Variants in ZMIZ2 observed in about 807,000 individuals in gnomAD.
ZMIZ2 encodes zinc finger MIZ domain-containing protein 2.
Under a neutral mutation model 93.9 loss-of-function variants are expected in ZMIZ2, and 26 were observed. That is an observed-to-expected ratio of 0.28 (90% CI 0.20 to 0.38). The LOEUF is 0.38. ZMIZ2 is among the 10% of genes least tolerant of loss of function. ZMIZ2 has a pLI of 1.00. For missense variants in ZMIZ2, 1,023 were observed against 1,235.0 expected, an observed-to-expected ratio of 0.83 and a Z score of 2.57; for synonymous variants, 485 against 516.4, an observed-to-expected ratio of 0.94 and a Z score of 0.82.
At chr7:44,750,152 AGGT>A (rs924001579) in intron 1 of ZMIZ2, among the ~76,000 whole-genome samples, 1 of 152,164 alleles carries the variant, frequency 6.6e-6, no homozygotes, top group Non-Finnish European at 1.5e-5. Flanking sequence ...GATGACATGA[AGGT>A]GGTCATGTGT....
Position 44,757,117 on chromosome 7 carries a change from G to A in ZMIZ2, c.336G>A (p.Gly112=), listed in dbSNP as rs1216645032. 1 of 1,598,532 alleles carries A rather than the reference G, an allele frequency of 6.3e-7. No homozygotes were observed. The highest frequency in any genetic ancestry group is 8.5e-7 in the Non-Finnish European group (1 of 1,176,560). ...GYVQQGVYSR[G]GYPGAPGFTT... is the part of the protein sequence containing the mutation. The stretch of plus-strand genomic sequence containing the variant: ...TGCAGCAAGGCGTGTACAGCCGCGG[G>A]GGCTACCCTGGGGCCCCCGGCTTCA... Residue 112 remains glycine, a synonymous_variant, in exon 4 of 19, where the codon GGG becomes GGA. Transcript: ENST00000309315.
At chr7:44,764,728 G>GT (rs1448095767) in intron 14 of ZMIZ2, among the ~76,000 whole-genome samples, 2 of 152,102 alleles carry the variant, frequency 1.3e-5, no homozygotes, top group African/African-American at 4.8e-5. Flanking sequence ...GGATCACCTC[G>GT]TATTTTCACC....
Position 44,749,636 on chromosome 7 carries a change from G to A in ZMIZ2, c.-63+645G>A, listed in dbSNP as rs564290914. Among the ~76,000 whole-genome samples the A allele has an allele frequency of 1.2e-4, 19 of 152,252 alleles. No individual in the cohort carries two copies. The South Asian group carries it at 3.5e-3, about 28-fold the overall frequency. On this transcript the variant is annotated intron_variant, in intron 1 of 18. Coordinates refer to ENST00000309315, the MANE Select transcript of ZMIZ2 (RefSeq NM_031449.4). ...GGTGCCTTGTCTTCCCTAGTGCCAGGTGTCCTTCACCGCGGCACCCCCACC... is the reference window on the plus strand; with the variant it reads ...GGTGCCTTGTCTTCCCTAGTGCCAGATGTCCTTCACCGCGGCACCCCCACC...
chr7:44,766,603 A>C lies in ZMIZ2; in HGVS notation c.2595A>C (p.Thr865=), dbSNP rs756134680. 6 of 1,613,348 alleles carry C rather than the reference A, an allele frequency of 3.7e-6. No homozygotes were observed. The Admixed American group carries it at 1.0e-4, about 27-fold the overall frequency. ...GTGAACTGGCCTTCAGTCCTGCCAC[A>C]GGCGTGATGGGGCCCCCCAGCATGT... ...PTGELAFSPA[T]GVMGPPSMSG... Residue 865 remains threonine (T), a synonymous_variant, in exon 18 of 19, where the codon ACA becomes ACC. Coordinates refer to ENST00000309315, the MANE Select transcript of ZMIZ2 (RefSeq NM_031449.4). This position sits in a 1 kb window ranked among gnomAD's most constrained non-coding sequence, Gnocchi z 4.4.
chr7:44,759,497 G>GT (rs1790948945), intron 7 of ZMIZ2, 37 bp downstream of exon 7: 1 of 1,396,232 alleles, frequency 7.2e-7, no homozygotes, highest in Admixed American at 2.9e-5. Flanking sequence ...GCCGGGCTCC[G>GT]TGCTGAGTGC....
rs751705037 is a variant in ZMIZ2, at chr7:44,756,279, C to T, written c.30C>T (p.Ala10=). The stretch of plus-strand genomic sequence containing the variant: ...ACTCCATGAACCCCATGAAACCTGC[C>T]CTGCCCCCTGCGCCACACGGGTGAG... The part of the protein sequence containing the change: MNSMNPMKP[A]LPPAPHGDGS... Residue 10 remains alanine, a synonymous_variant, in exon 2 of 19, where the codon GCC becomes GCT. Transcript: ENST00000309315. The T allele has an allele frequency of 3.1e-6, 5 of 1,614,056 alleles. 1 individual carries two copies. In the Admixed American group the frequency reaches 5.0e-5, roughly 16 times the overall value.
intron 2 of ZMIZ2, 57 bp from the exon 3 acceptor site, chr7:44,756,368 G>C: frequency 1.2e-6 from 2 of 1,613,892 alleles, no homozygotes; most frequent in East Asian, 2.2e-5. Flanking sequence ...GAAGATCCTA[G>C]ACTCTTGGAC....
intron 14 of ZMIZ2, 124 bp from the exon 15 acceptor site, chr7:44,764,817 C>A: frequency 1.0e-6 from 1 of 970,002 alleles, no homozygotes; most frequent in Non-Finnish European, 1.6e-6. Context: ...TTACCTTGTT[C>A]AGTTGCCTCA....
At position 44,760,213 on chromosome 7, in the gene ZMIZ2, A is replaced by G; in HGVS notation, c.1056A>G (p.Gln352=). 2 of 1,612,946 alleles carry G rather than the reference A, an allele frequency of 1.2e-6. No homozygotes were observed. Among genetic ancestry groups the G allele is most frequent in the South Asian group, 1.1e-5 (1 of 90,996 alleles). The change falls in exon 8 of 19, where the codon CAA becomes CAG. Residue 352 remains glutamine, a synonymous_variant. Transcript: ENST00000309315. ...ACGGGGGCAGCGTCAGCTACAGCCAACCTGGCCTGAGTGGGGTAGGGGGCC... is the reference window on the plus strand; with the variant it reads ...ACGGGGGCAGCGTCAGCTACAGCCAGCCTGGCCTGAGTGGGGTAGGGGGCC... ...SFNGGSVSYS[Q]PGLSGPTRSI...
chr7:44,756,562 C>G (rs755700642), intron 3 of ZMIZ2, 23 bp downstream of exon 3: 1 of 1,611,758 alleles, frequency 6.2e-7, no homozygotes, highest in Non-Finnish European at 8.5e-7. Context: ...TGGTGCCCCA[C>G]CCCCGAGCAG....
intron 2 of ZMIZ2, 37 bp downstream of exon 2, chr7:44,756,336 G>C: frequency 6.2e-7 from 1 of 1,613,988 alleles, no homozygotes. Flanking sequence ...CTCAGGCCCT[G>C]GGGTTGGGGG....
intron 1 of ZMIZ2, chr7:44,750,904 AG>A (rs1318675273): frequency 6.6e-6 from 1 of 152,274 alleles, no homozygotes; most frequent in Non-Finnish European, 1.5e-5. Flanking sequence ...TTCCCAACCC[AG>A]ACTCAAAGCC....
chr7:44,765,667 T>C lies in ZMIZ2; in HGVS notation c.2242+88T>C. The C allele has an allele frequency of 6.6e-7, 1 of 1,515,666 alleles. No individual in the cohort carries two copies. The highest frequency in any genetic ancestry group is 1.2e-5 in the South Asian group (1 of 80,712). The allele number at this position is 1,515,666 out of a possible 1,614,324, so 93.9% of individuals were successfully genotyped here. Reference sequence around the variant, plus strand: ...ATCAGTCTCCTCACCTGCAAGAATGTGGCTATGCAGGTCACACACCTAGGT... The same window carrying C: ...ATCAGTCTCCTCACCTGCAAGAATGCGGCTATGCAGGTCACACACCTAGGT... On this transcript the variant is annotated intron_variant, in intron 16 of 18. Transcript: ENST00000309315. This position sits in a 1 kb window ranked among gnomAD's most constrained non-coding sequence, Gnocchi z 4.1.
chr7:44,749,210 A>G (rs1288513352), intron 1 of ZMIZ2, among the ~76,000 whole-genome samples: 2 of 152,092 alleles, frequency 1.3e-5, no homozygotes, highest in African/African-American at 4.8e-5. Context: ...GGCACCTGCC[A>G]CGCGTGCGTC....
rs1249445152 is a variant in ZMIZ2 at position 44,761,630 on chromosome 7, G to A, written c.1385+37G>A. ...CTGGCCCCCACCTGACCCCCACGAG[G>A]CTCTGTTCCTCCTCCCACACTCTCA... On this transcript the variant is annotated intron_variant, in intron 10 of 18. Coordinates refer to ENST00000309315, the MANE Select transcript of ZMIZ2 (RefSeq NM_031449.4). This position sits in a 1 kb window ranked among gnomAD's most constrained non-coding sequence, Gnocchi z 5.8. The A allele has an allele frequency of 6.2e-7, 1 of 1,613,232 alleles. No homozygotes were observed. Among genetic ancestry groups the A allele is most frequent in the African/African-American group, 1.3e-5 (1 of 74,926 alleles).
At chr7:44,764,880 G>C (rs1183211902) in intron 14 of ZMIZ2, 61 bp from the exon 15 acceptor site, 56 of 1,566,734 alleles carry the variant, frequency 3.6e-5, no homozygotes, top group Non-Finnish European at 4.7e-5. Flanking sequence ...AAATGACAGG[G>C]CCTGTGCCCA....
rs757442854 is a variant in ZMIZ2, at chr7:44,766,693, C to T, written c.2655+30C>T. 6.2e-6 allele frequency: 10 copies of T among 1,608,242 alleles called. No individual in the cohort carries two copies. The highest frequency in any genetic ancestry group is 3.3e-5 in the South Asian group (3 of 90,942). ...GTACCAGGCCCCATGCGGGGGAGTG[C>T]GTGGGAGCCAGGGCTAGAGGTGGTG... On this transcript the variant is annotated intron_variant, in intron 18 of 18. Transcript: ENST00000309315. This position sits in a 1 kb window ranked among gnomAD's most constrained non-coding sequence, Gnocchi z 4.4.
At chr7:44,762,461 A>T (rs1336075482) in intron 11 of ZMIZ2, among the ~76,000 whole-genome samples, 3 of 152,164 alleles carry the variant, frequency 2.0e-5, no homozygotes, top group African/African-American at 7.2e-5. Context: ...CCTGGGCATG[A>T]GGGCCTTGGG....
intron 1 of ZMIZ2, among the ~76,000 whole-genome samples, chr7:44,750,543 C>A (rs939577775): frequency 1.3e-5 from 2 of 152,188 alleles, no homozygotes; most frequent in African/African-American, 2.4e-5. Context: ...TATTGAGAAG[C>A]GTTGCCTGCC....
Sources: allele counts gnomAD v4.1 joint callset (sites outside exome capture counted in the v4.1 genomes callset), GRCh38; gene constraint gnomAD v4.1.1; non-coding constraint Gnocchi (gnomAD v3.1); transcripts MANE v1.5; gene names NCBI Gene and HGNC (gene_info 2026-07-23, HGNC 2026-07-21).